The following GSG1 variants were observed in gnomAD, a reference collection of about 807,000 sequenced individuals.
GSG1 encodes the protein germ cell associated 1.
GSG1 carries 28 observed loss-of-function variants against 30.8 expected under a neutral mutation model. That is an observed-to-expected ratio of 0.91 (90% confidence interval 0.67 to 1.25). The LOEUF (loss-of-function observed/expected upper bound fraction) is 1.25. GSG1 is among the 50% of genes most tolerant of loss of function. The pLI is 0.00. For missense variants in GSG1, 435 were observed against 444.7 expected (o/e 0.98, Z 0.20); for synonymous variants, 162 against 178.0 (o/e 0.91, Z 0.71).
At chr12:13,089,490 C>T (rs1565531775) in intron 2 of GSG1, 2 of 653,046 alleles carry the variant, frequency 3.1e-6, no homozygotes, top group South Asian at 1.9e-5. Flanking sequence ...CAGCTCATTC[C>T]TCCAAACCTG....
chr12:13,099,764 T>TG (rs1565551435), intron 1 of GSG1, among the ~76,000 whole-genome samples: 18 of 146,840 alleles, frequency 1.2e-4, no homozygotes, highest in African/African-American at 2.6e-4. Flanking sequence ...TTTTTTTTTT[T>TG]TTTTGTTTTT....
chr12:13,087,353 C>T, intron 5 of GSG1, 90 bp from the exon 6 acceptor site: 1 of 910,190 alleles, frequency 1.1e-6, no homozygotes, highest in South Asian at 1.4e-5. Context: ...TTCTTGCAGT[C>T]AGGCGCAGCC....
At chr12:13,099,750 G>GTTTTTTTTTTTTTTTTTTT (rs57762367) in intron 1 of GSG1, among the ~76,000 whole-genome samples, 88 of 114,800 alleles carry the variant, frequency 7.7e-4, no homozygotes, top group African/African-American at 1.6e-3. Flanking sequence ...GTTTTTTTTT[G>GTTTTTTTTTTTTTTTTTTT]TTTTTTTTTT....
At chr12:13,100,348 C>T (rs1863108813) in intron 1 of GSG1, among the ~76,000 whole-genome samples, 1 of 152,230 alleles carries the variant, frequency 6.6e-6, no homozygotes, top group South Asian at 2.1e-4. Context: ...CACCCTAAGC[C>T]TTTCCAGGCA....
intron 5 of GSG1, 27 bp from the exon 6 acceptor site, chr12:13,087,290 C>G: frequency 6.4e-7 from 1 of 1,563,210 alleles, no homozygotes; most frequent in Non-Finnish European, 8.8e-7. Flanking sequence ...AAGGCAGAGC[C>G]CTTAGAGAAA....
At chr12:13,095,452 C>T (rs1866581483) in intron 1 of GSG1, 2 of 835,226 alleles carry the variant, frequency 2.4e-6, no homozygotes, top group Non-Finnish European at 4.2e-6. Context: ...GTAACCCTTA[C>T]ATCAGCATAT....
At position 13,103,596 on chromosome 12, in the gene GSG1, T is replaced by G; in HGVS notation, c.-84A>C. 6.8e-7 allele frequency: 1 copy of G among 1,461,078 alleles called. No homozygotes were observed. The highest frequency in any genetic ancestry group is 1.2e-5 in the South Asian group (1 of 86,640). 90.5% of individuals were successfully genotyped at this position (1,461,078 alleles called of 1,614,324 possible). ...AGTTGGGTAGAATGAGTGTTTAGCG[T>G]GAGGATGAATCAGGTCCCCTCTTGC... On this transcript the variant is annotated 5_prime_UTR_variant, in exon 1 of 7. Coordinates refer to ENST00000651961, the MANE Select transcript of GSG1 (RefSeq NM_001080555.4).
chr12:13,086,459 G>A (rs1249411083), intron 6 of GSG1, among the ~76,000 whole-genome samples: 1 of 152,228 alleles, frequency 6.6e-6, no homozygotes, highest in Non-Finnish European at 1.5e-5. Context: ...CACTTAGACA[G>A]TAAATATCAG....
At chr12:13,096,972 T>C (rs1866711799) in intron 1 of GSG1, among the ~76,000 whole-genome samples, 1 of 151,998 alleles carries the variant, frequency 6.6e-6, no homozygotes, top group Non-Finnish European at 1.5e-5. Flanking sequence ...GCACCTGTAA[T>C]CCCAACTACT....
rs1033705685 is a variant in GSG1, at chr12:13,103,583, T to A, written c.-71A>T. On this transcript the variant is annotated 5_prime_UTR_variant, in exon 1 of 7. Coordinates refer to ENST00000651961, the MANE Select transcript of GSG1 (RefSeq NM_001080555.4). ...TTCTGTCTCAATCAGTTGGGTAGAA[T>A]GAGTGTTTAGCGTGAGGATGAATCA... The A allele has an allele frequency of 1.3e-6, 2 of 1,548,800 alleles. No homozygotes were observed. The highest frequency in any genetic ancestry group is 2.7e-5 in the African/African-American group (2 of 73,576).
rs1465102581 is a variant in GSG1 at position 13,087,371 on chromosome 12, G to T, written c.635-108C>A. On this transcript the variant is annotated intron_variant, in intron 5 of 6. Transcript: ENST00000651961. ...TTGCAGTCAGGCGCAGCCTCTGTTG[G>T]AGTAGCCCATTACCCTATGCCACCA... 6 of 765,532 alleles carry T rather than the reference G, an allele frequency of 7.8e-6. No individual in the cohort carries two copies. The East Asian group carries it at 1.5e-4, about 19-fold the overall frequency. The allele number at this position is 765,532 out of a possible 1,614,324, so 47.4% of individuals were successfully genotyped here. A position where few individuals can be genotyped will look rare whatever the true frequency, so the allele number is the denominator to read the frequency against.
intron 6 of GSG1, 71 bp from the exon 7 acceptor site, chr12:13,085,314 C>T (rs1865417559): frequency 7.2e-7 from 1 of 1,394,240 alleles, no homozygotes; most frequent in South Asian, 1.4e-5. Flanking sequence ...GCCATGACCT[C>T]TTCCTACTAG....
Position 13,087,922 on chromosome 12 carries a change from A to G in GSG1, c.619T>C (p.Ser207Pro), listed in dbSNP as rs932401901. The G allele has an allele frequency of 6.2e-7, 1 of 1,614,156 alleles. No individual in the cohort carries two copies. The highest frequency in any genetic ancestry group is 8.5e-7 in the Non-Finnish European group (1 of 1,180,014). ...AGCAACTCACCTGACAGGACAGAGG[A>G]AACAGCAGCAAAGGCGCTCAGTTTG... Reference protein sequence around the residue: ...GLKLSAFAAVSSVLSGLLGMV... With the variant: ...GLKLSAFAAVPSVLSGLLGMV... The change falls in exon 5 of 7, where the codon TCC becomes CCC. Residue 207 changes from serine to proline, a missense_variant. Physicochemically the swap from Ser to Pro is moderately conservative, Grantham distance 74. Coordinates refer to ENST00000651961, the MANE Select transcript of GSG1 (RefSeq NM_001080555.4).
chr12:13,089,397 A>T, intron 2 of GSG1, 121 bp from the exon 3 acceptor site: 1 of 1,502,902 alleles, frequency 6.7e-7, no homozygotes, highest in Non-Finnish European at 8.9e-7. Context: ...GATTCTGGGC[A>T]TTAGAAGAAC....
chr12:13,089,514 G>A (rs1431333012), intron 2 of GSG1, among the ~76,000 whole-genome samples: 1 of 152,064 alleles, frequency 6.6e-6, no homozygotes, highest in Non-Finnish European at 1.5e-5. Flanking sequence ...AACGCACATC[G>A]ACCAGCACCT....
rs757887520 is a variant in GSG1, at chr12:13,085,078, A to T, written c.912T>A (p.Ser304Arg). 24 of 1,612,172 alleles carry T rather than the reference A, an allele frequency of 1.5e-5. No individual in the cohort carries two copies. In the South Asian group the frequency reaches 2.5e-4, roughly 17 times the overall value. Reference sequence around the variant, plus strand: ...TCAAAGGACCCACGGTGGGGGCTGCACTTGACAGCCGCCGAGGGAAACACT... The same window carrying T: ...TCAAAGGACCCACGGTGGGGGCTGCTCTTGACAGCCGCCGAGGGAAACACT... ...HHQCFPRRLS[S>R]AAPTVGPLTS... Residue 304 changes from serine (S) to arginine (R), a missense_variant, in exon 7 of 7, where the codon AGT becomes AGA. By Grantham distance (110) the Ser-to-Arg change is moderately radical. Transcript: ENST00000651961.
intron 2 of GSG1, 103 bp from the exon 3 acceptor site, chr12:13,089,379 T>C: frequency 6.5e-7 from 1 of 1,527,820 alleles, no homozygotes; most frequent in Non-Finnish European, 8.8e-7. Flanking sequence ...AGATATCAAA[T>C]TGTTCATGAT....
At chr12:13,085,272 C>A in intron 6 of GSG1, 29 bp from the exon 7 acceptor site, 1 of 1,564,516 alleles carries the variant, frequency 6.4e-7, no homozygotes, top group Non-Finnish European at 8.7e-7. Context: ...AAAGATTGGA[C>A]AGTAAGAATA....
In GSG1 at chr12:13,087,854, G is replaced by A. The variant is rs1022978236; in HGVS notation, c.634+53C>T. 40 of 1,582,658 alleles carry A rather than the reference G, an allele frequency of 2.5e-5. No homozygotes were observed. The African/African-American group carries it at 4.3e-4, about 17-fold the overall frequency. ...CAAAGACTCAAGCCCTCCAGCTAGGGCTTCAAAAGTGGCCAGGGCCAACCA... is the reference window on the plus strand; with the variant it reads ...CAAAGACTCAAGCCCTCCAGCTAGGACTTCAAAAGTGGCCAGGGCCAACCA... On this transcript the variant is annotated intron_variant, in intron 5 of 6. Coordinates refer to ENST00000651961, the MANE Select transcript of GSG1 (RefSeq NM_001080555.4).
Sources: gnomAD v4.1 joint callset for allele counts (sites outside exome capture counted in the v4.1 genomes callset) on GRCh38, gnomAD v4.1.1 for gene constraint, MANE v1.5 for transcripts, NCBI Gene and HGNC (gene_info 2026-07-23, HGNC 2026-07-21) for gene names.